CGNL1: variants seen among roughly 807,000 people sequenced by gnomAD.
CGNL1 encodes cingulin-like protein 1.
A neutral mutation model predicts 141.2 loss-of-function variants in CGNL1; 132 were observed. The ratio of observed to expected loss-of-function variants is 0.93; its 90% CI spans 0.81 to 1.08. The LOEUF (loss-of-function observed/expected upper bound fraction) is 1.08, where lower values mean the gene tolerates loss of function less well. Ranked by LOEUF, CGNL1 falls within the 50% of genes least tolerant of loss-of-function variation. The pLI, the probability that CGNL1 is intolerant of heterozygous loss-of-function variation, is 0.00. For synonymous variants in CGNL1, 690 were observed against 622.1 expected (o/e 1.11, Z -1.63); for missense variants, 1,870 against 1,588.6 (o/e 1.18, Z -3.01).
intron 1 of CGNL1, among the ~76,000 whole-genome samples, chr15:57,412,561 T>G (rs2062801630): frequency 6.6e-6 from 1 of 152,180 alleles, no homozygotes; most frequent in Non-Finnish European, 1.5e-5. Flanking sequence ...TGTGAATGGA[T>G]AGCCAGGCCC....
intron 8 of CGNL1, among the ~76,000 whole-genome samples, chr15:57,495,911 C>T (rs558189670): frequency 3.0e-3 from 287 of 94,658 alleles, no homozygotes; most frequent in Non-Finnish European, 4.3e-3. Flanking sequence ...CATAAAGCAA[C>T]TAATTGACAA....
At chr15:57,394,351 C>G (rs1344354446) in intron 1 of CGNL1, among the ~76,000 whole-genome samples, 1 of 151,964 alleles carries the variant, frequency 6.6e-6, no homozygotes, top group East Asian at 1.9e-4. Context: ...TCTCGAACTC[C>G]CGACTTCAGG....
rs1595706160 is a variant in CGNL1 at position 57,439,378 on chromosome 15, G to A, written c.1379G>A (p.Arg460Lys). 1 of 1,614,162 alleles carries A rather than the reference G, an allele frequency of 6.2e-7. No individual in the cohort carries two copies. Among genetic ancestry groups the A allele is most frequent in the East Asian group, 2.2e-5 (1 of 44,872 alleles). The change falls in exon 2 of 19, where the codon AGG (arginine) becomes AAG (lysine). Residue 460 changes from arginine to lysine, a missense_variant. By Grantham distance (26) the Arg-to-Lys change is conservative. Transcript: ENST00000281282. ...AAHGASCAHS[R>K]PPQPNIDGKV... is the part of the protein sequence containing the mutation. Reference sequence around the variant, plus strand: ...CACGGGGCTTCATGTGCCCACTCCAGGCCTCCCCAGCCGAACATAGATGGG... The same window carrying A: ...CACGGGGCTTCATGTGCCCACTCCAAGCCTCCCCAGCCGAACATAGATGGG...
intron 7 of CGNL1, among the ~76,000 whole-genome samples, chr15:57,454,782 C>T (rs2063359079): frequency 6.6e-6 from 1 of 152,178 alleles, no homozygotes; most frequent in Non-Finnish European, 1.5e-5. Flanking sequence ...CCACCACATT[C>T]TTGGTATAAT....
chr15:57,463,297 A>C (rs371443350), intron 8 of CGNL1, among the ~76,000 whole-genome samples: 9 of 152,216 alleles, frequency 5.9e-5, no homozygotes, highest in African/African-American at 1.7e-4. Context: ...GAAAGGATAC[A>C]TGGTAGGTGA....
chr15:57,389,609 C>T (rs1309359176), intron 1 of CGNL1, among the ~76,000 whole-genome samples: 1 of 152,192 alleles, frequency 6.6e-6, no homozygotes, highest in South Asian at 2.1e-4. Context: ...GTCCTGTGGG[C>T]CTTGCCTGGT....
rs776047162 is a variant in CGNL1, at chr15:57,438,349, T to C, written c.350T>C (p.Leu117Pro). The change falls in exon 2 of 19, where the codon CTG (leucine) becomes CCG (proline). Residue 117 changes from leucine (L) to proline (P), a missense_variant. Coordinates refer to ENST00000281282, the MANE Select transcript of CGNL1 (RefSeq NM_032866.5). The part of the protein sequence containing the change: ...PYAQPSPIRN[L>P]KQPLLHEGKN... ...GCCCAGCCTAGCCCAATAAGAAACC[T>C]GAAACAGCCCCTGCTCCATGAGGGC... is the stretch of plus-strand genomic sequence containing the variant. 2 of 1,614,042 alleles carry C rather than the reference T, an allele frequency of 1.2e-6. No individual in the cohort carries two copies. Among genetic ancestry groups the C allele is most frequent in the Non-Finnish European group, 1.7e-6 (2 of 1,180,012 alleles).
intron 14 of CGNL1, among the ~76,000 whole-genome samples, chr15:57,541,133 A>T (rs1042600362): frequency 1.3e-5 from 2 of 152,254 alleles, no homozygotes; most frequent in Admixed American, 1.3e-4. Context: ...TTCCTTGCTT[A>T]GGAGCCTGTA....
At position 57,439,071 on chromosome 15, in the gene CGNL1, G is replaced by T. The variant is rs781302247; in HGVS notation, c.1072G>T (p.Glu358Ter). Residue 358 changes from glutamate to a stop codon, truncating the protein, a stop_gained, in exon 2 of 19, where the codon GAA becomes TAA. Coordinates refer to ENST00000281282, the MANE Select transcript of CGNL1 (RefSeq NM_032866.5). LOFTEE classifies it high-confidence loss of function. ...GSIPGVDQLI[E>*]KFDQKPGLQR... is the part of the protein sequence containing the mutation. ...AATTCCTGGTGTGGATCAGTTAATT[G>T]AAAAATTTGATCAAAAACCTGGGCT... is the stretch of plus-strand genomic sequence containing the variant. 3 of 1,614,000 alleles carry T rather than the reference G, an allele frequency of 1.9e-6. No individual in the cohort carries two copies. In the Admixed American group the frequency reaches 5.0e-5, roughly 27 times the overall value.
rs1366005729 is a variant in CGNL1 at position 57,549,213 on chromosome 15, C to A, written c.*1723C>A. 6.6e-6 allele frequency: 1 copy of A among 152,300 alleles called. No homozygotes were observed. Among genetic ancestry groups the A allele is most frequent in the Non-Finnish European group, 1.5e-5 (1 of 68,108 alleles). The allele number at this position is 152,300 out of a possible 1,614,324, so 9.4% of individuals were successfully genotyped here. A position where few individuals can be genotyped will look rare whatever the true frequency, so the allele number is the denominator to read the frequency against. On this transcript the variant is annotated 3_prime_UTR_variant, in exon 19 of 19. Coordinates refer to ENST00000281282, the MANE Select transcript of CGNL1 (RefSeq NM_032866.5). ...ACAGTCCCCAGGCATGCCCACAGGC[C>A]AGGCCCAGTCACAGCTGGGCTTCCA...
At position 57,523,631 on chromosome 15, in the gene CGNL1, T is replaced by A. The variant is rs1193312563; in HGVS notation, c.2858T>A (p.Leu953Gln). The part of the protein sequence containing the change: ...RWHLGKTIEK[L>Q]QKEMADIVEA... Reference sequence around the variant, plus strand: ...CACCTGGGCAAAACCATTGAGAAACTGCAGAAGGAGGTGAGGGGCTGGAGG... The same window carrying A: ...CACCTGGGCAAAACCATTGAGAAACAGCAGAAGGAGGTGAGGGGCTGGAGG... The change falls in exon 11 of 19, where the codon CTG becomes CAG. Residue 953 changes from leucine to glutamine, a missense_variant. Transcript: ENST00000281282. The A allele has an allele frequency of 2.5e-6, 4 of 1,613,976 alleles. No individual in the cohort carries two copies. Among genetic ancestry groups the A allele is most frequent in the Non-Finnish European group, 3.4e-6 (4 of 1,180,004 alleles).
At chr15:57,521,298 A>C (rs1567167515) in intron 10 of CGNL1, among the ~76,000 whole-genome samples, 1 of 152,186 alleles carries the variant, frequency 6.6e-6, no homozygotes, top group Non-Finnish European at 1.5e-5. Flanking sequence ...ACATGTTAGA[A>C]TTATCTGGGG....
At chr15:57,505,637 G>A (rs1378611448) in intron 8 of CGNL1, among the ~76,000 whole-genome samples, 7 of 152,258 alleles carry the variant, frequency 4.6e-5, no homozygotes, top group Non-Finnish European at 1.0e-4. Context: ...CAGCCTAAAC[G>A]CTTGTAGCAG....
intron 1 of CGNL1, among the ~76,000 whole-genome samples, chr15:57,422,369 G>T (rs2062925813): frequency 6.6e-6 from 1 of 150,382 alleles, no homozygotes; most frequent in Non-Finnish European, 1.5e-5. Context: ...GTGACTCAAG[G>T]CTCCCATGGG....
chr15:57,471,765 T>G (rs1307094504), intron 8 of CGNL1, among the ~76,000 whole-genome samples: 1 of 152,236 alleles, frequency 6.6e-6, no homozygotes, highest in Non-Finnish European at 1.5e-5. Context: ...AATGTCTAAC[T>G]GTTGGGAATG....
rs193002534 is a variant in CGNL1 at position 57,511,080 on chromosome 15, A to C, written c.2404-5700A>C. The stretch of plus-strand genomic sequence containing the variant: ...AAAAGAAAATGTATATTTATTTTTA[A>C]AAATGGTAATACATGTTGAATTTCC... On this transcript the variant is annotated intron_variant, in intron 8 of 18. Transcript: ENST00000281282. 3.3e-5 allele frequency among the ~76,000 whole-genome samples: 5 copies of C among 152,356 alleles called. No individual in the cohort carries two copies. The East Asian group carries it at 9.6e-4, about 29-fold the overall frequency.
At chr15:57,486,014 A>C (rs1374489387) in intron 8 of CGNL1, among the ~76,000 whole-genome samples, 4 of 152,302 alleles carry the variant, frequency 2.6e-5, no homozygotes, top group African/African-American at 9.6e-5. Context: ...CCAGGAAGTC[A>C]GGAATGTGTG....
chr15:57,477,148 G>T (rs1261173606), intron 8 of CGNL1, among the ~76,000 whole-genome samples: 3 of 151,536 alleles, frequency 2.0e-5, no homozygotes, highest in African/African-American at 7.3e-5. Flanking sequence ...AAGGCTGGAC[G>T]TGCTTCAAAG....
intron 14 of CGNL1, among the ~76,000 whole-genome samples, chr15:57,532,072 A>C (rs181110258): frequency 2.6e-5 from 4 of 152,298 alleles, no homozygotes; most frequent in African/African-American, 9.6e-5. Flanking sequence ...GAAAGTGCCA[A>C]TGCTAGTCAA....
Sources: gnomAD v4.1 joint callset for allele counts (sites outside exome capture counted in the v4.1 genomes callset) on GRCh38, gnomAD v4.1.1 for gene constraint, MANE v1.5 for transcripts, NCBI Gene and HGNC (gene_info 2026-07-23, HGNC 2026-07-21) for gene names.